The following METTL15 variants were observed in gnomAD, a reference collection of about 807,000 sequenced individuals.
The protein encoded by METTL15 is methyltransferase 15, mitochondrial 12S rRNA N4-cytidine, also known as 12S rRNA N(4)-cytidine methyltransferase METTL15.
Under a neutral mutation model 38.3 loss-of-function variants are expected in METTL15, and 34 were observed. The observed-to-expected ratio is 0.89, with a 90% confidence interval of 0.68 to 1.18. The LOEUF is 1.18. METTL15 is among the 50% of genes most tolerant of loss of function. The pLI, the probability that METTL15 is intolerant of heterozygous loss-of-function variation, is 0.00. For synonymous variants in METTL15, 162 were observed against 170.9 expected, an observed-to-expected ratio of 0.95 and a Z score of 0.41; for missense variants, 438 against 498.4, an observed-to-expected ratio of 0.88 and a Z score of 1.15.
At chr11:28,302,716 C>T (rs923411450) in intron 6 of METTL15, among the ~76,000 whole-genome samples, 1 of 152,122 alleles carries the variant, frequency 6.6e-6, no homozygotes, top group Admixed American at 6.6e-5. Flanking sequence ...ATGACCAATA[C>T]GTCCCCCACA....
intron 6 of METTL15, among the ~76,000 whole-genome samples, chr11:28,456,556 C>T (rs960985079): frequency 1.3e-5 from 2 of 150,534 alleles, no homozygotes; most frequent in Non-Finnish European, 3.0e-5. Flanking sequence ...TTTTTCCTGC[C>T]TCAGTCCCCG....
At chr11:28,343,935 C>T (rs568769046) in intron 3 of METTL15, among the ~76,000 whole-genome samples, 25 of 152,032 alleles carry the variant, frequency 1.6e-4, no homozygotes, top group African/African-American at 5.1e-4. Context: ...CTATGACAGC[C>T]CAAAGAAATA....
chr11:28,188,936 T>C (rs1851603679), intron 3 of METTL15, among the ~76,000 whole-genome samples: 2 of 151,338 alleles, frequency 1.3e-5, no homozygotes, highest in Admixed American at 1.3e-4. Context: ...AGCCTATTTT[T>C]AGTAATCTAT....
In METTL15 at chr11:28,411,819, AAAT is replaced by A. The variant is rs1394884298; in HGVS notation, c.*359-12473_*359-12471del. ...TGAAAAAGAAACCTTCTGAACTGGA[AAAT>A]AATAATTGCAAGCCACTTATCTGAT... On this transcript the variant is annotated intron_variant and NMD_transcript_variant, in intron 5 of 7. Transcript: ENST00000532947. Among the ~76,000 whole-genome samples, 6 of 152,232 alleles carry A rather than the reference AAAT, an allele frequency of 3.9e-5. No homozygotes were observed. The East Asian group carries it at 1.2e-3, about 29-fold the overall frequency.
chr11:28,158,163 G>A (rs541484657), intron 3 of METTL15, among the ~76,000 whole-genome samples: 8 of 152,308 alleles, frequency 5.3e-5, no homozygotes, highest in African/African-American at 1.9e-4. Context: ...GAACAGGTAT[G>A]TGGATGGACC....
chr11:28,402,353 C>T (rs1231015441), intron 5 of METTL15, among the ~76,000 whole-genome samples: 1 of 151,960 alleles, frequency 6.6e-6, no homozygotes. Flanking sequence ...CTCATTCCTT[C>T]TCTGCTCTGT....
At chr11:28,528,531 T>C (rs1434622908), downstream of METTL15, among the ~76,000 whole-genome samples, 4 of 152,252 alleles carry the variant, frequency 2.6e-5, no homozygotes, top group African/African-American at 9.6e-5. Flanking sequence ...CAGATGTGAA[T>C]TGGGGAAGGC....
At chr11:28,481,709 G>A (rs1323173446) in intron 6 of METTL15, among the ~76,000 whole-genome samples, 1 of 152,132 alleles carries the variant, frequency 6.6e-6, no homozygotes. Context: ...CTTCAAAGCC[G>A]CAGCTCAGGC....
chr11:28,353,785 C>T (rs1048086565), intron 4 of METTL15, among the ~76,000 whole-genome samples: 20 of 151,348 alleles, frequency 1.3e-4, no homozygotes, highest in Admixed American at 3.3e-4. Flanking sequence ...ATTAGCCGGG[C>T]GCGGTGGCGG....
chr11:28,270,390 T>A (rs1243858744), intron 4 of METTL15, among the ~76,000 whole-genome samples: 1 of 152,214 alleles, frequency 6.6e-6, no homozygotes, highest in African/African-American at 2.4e-5. Flanking sequence ...TCCTTCGGCA[T>A]GTTATAACCT....
intron 4 of METTL15, among the ~76,000 whole-genome samples, chr11:28,219,432 T>G (rs1405779765): frequency 6.6e-6 from 1 of 152,154 alleles, no homozygotes; most frequent in Non-Finnish European, 1.5e-5. Flanking sequence ...TTATTGCATC[T>G]ATTTGATTCT....
intron 5 of METTL15, among the ~76,000 whole-genome samples, chr11:28,422,718 T>C (rs1590368876): frequency 6.6e-6 from 1 of 151,956 alleles, no homozygotes; most frequent in African/African-American, 2.4e-5. Context: ...AAAACTTAAA[T>C]CTAAGACCAC....
intron 6 of METTL15, among the ~76,000 whole-genome samples, chr11:28,455,516 T>C (rs988513312): frequency 6.6e-6 from 1 of 152,164 alleles, no homozygotes; most frequent in Admixed American, 6.5e-5. Flanking sequence ...TTCAGCCCTA[T>C]TGAGGTCAGA....
At chr11:28,141,139 G>A (rs775232715) in intron 3 of METTL15, among the ~76,000 whole-genome samples, 1 of 152,120 alleles carries the variant, frequency 6.6e-6, no homozygotes, top group Non-Finnish European at 1.5e-5. Flanking sequence ...GAGTTTGGAG[G>A]CTAGGGTTTT....
At chr11:28,175,719 A>G (rs967568845) in intron 3 of METTL15, among the ~76,000 whole-genome samples, 4 of 152,054 alleles carry the variant, frequency 2.6e-5, no homozygotes, top group Non-Finnish European at 5.9e-5. Context: ...TAAATCACCA[A>G]TCCCTGTTGA....
intron 3 of METTL15, among the ~76,000 whole-genome samples, chr11:28,149,758 A>G (rs1466428309): frequency 6.6e-6 from 1 of 151,902 alleles, no homozygotes; most frequent in East Asian, 1.9e-4. Context: ...TGCTTCCCAT[A>G]GAAATTTATT....
At chr11:28,524,109 CT>C (rs1291202296) in intron 6 of METTL15, among the ~76,000 whole-genome samples, 1 of 152,216 alleles carries the variant, frequency 6.6e-6, no homozygotes, top group African/African-American at 2.4e-5. Context: ...TTCATTTCCA[CT>C]TTTTACCAAG....
chr11:28,487,664 A>G (rs1165317234), intron 6 of METTL15, among the ~76,000 whole-genome samples: 1 of 152,166 alleles, frequency 6.6e-6, no homozygotes, highest in African/African-American at 2.4e-5. Context: ...CTATAAAAAG[A>G]AACAATTGCT....
intron 6 of METTL15, among the ~76,000 whole-genome samples, chr11:28,455,995 C>T (rs773585514): frequency 5.9e-5 from 9 of 152,116 alleles, no homozygotes; most frequent in Non-Finnish European, 1.2e-4. Context: ...CATGAGCCAC[C>T]GCGCCTGGCC....
Sources: gnomAD v4.1 joint callset for allele counts (sites outside exome capture counted in the v4.1 genomes callset) on GRCh38, gnomAD v4.1.1 for gene constraint, MANE v1.5 for transcripts, NCBI Gene and HGNC (gene_info 2026-07-23, HGNC 2026-07-21) for gene names.